Variants in DOK5 observed in about 807,000 individuals in gnomAD.
DOK5 encodes downstream of tyrosine kinase 5.
Under a neutral mutation model 43.3 loss-of-function variants are expected in DOK5, and 27 were observed. The ratio of observed to expected loss-of-function variants is 0.62; its 90% confidence interval spans 0.46 to 0.86. The LOEUF (loss-of-function observed/expected upper bound fraction) is 0.86. Among genes scored for constraint, DOK5 ranks in the 40% least tolerant of loss-of-function variants. The pLI, the probability that DOK5 is intolerant of heterozygous loss-of-function variation, is 0.00. For missense variants in DOK5, 373 were observed against 392.9 expected, an observed-to-expected ratio of 0.95 and a Z score of 0.43; for synonymous variants, 146 against 140.1, an observed-to-expected ratio of 1.04 and a Z score of -0.30.
At chr20:54,643,928 G>A (rs1979249645) in intron 7 of DOK5, among the ~76,000 whole-genome samples, 1 of 152,186 alleles carries the variant, frequency 6.6e-6, no homozygotes, top group Admixed American at 6.5e-5. Flanking sequence ...CCAGGGACCA[G>A]GCTACAAGAA....
intron 1 of DOK5, among the ~76,000 whole-genome samples, chr20:54,527,813 T>C (rs1983630179): frequency 6.6e-6 from 1 of 152,172 alleles, no homozygotes; most frequent in Admixed American, 6.5e-5. Context: ...GCTATGGATA[T>C]TAAGTGGAAA....
intron 6 of DOK5, 64 bp downstream of exon 6, chr20:54,610,587 T>C: frequency 7.4e-7 from 1 of 1,353,616 alleles, no homozygotes; most frequent in Non-Finnish European, 9.6e-7. Context: ...TTGGGTCATT[T>C]TTGTGCTGGA....
intron 1 of DOK5, among the ~76,000 whole-genome samples, chr20:54,548,131 A>G (rs1984406691): frequency 6.6e-6 from 1 of 152,224 alleles, no homozygotes; most frequent in Non-Finnish European, 1.5e-5. Flanking sequence ...CTGTGGTAAA[A>G]TTGAGAAACA....
rs146812432 is a variant in DOK5 at position 54,592,908 on chromosome 20, T to C, written c.599+1103T>C. On this transcript the variant is annotated intron_variant, in intron 5 of 7. Coordinates refer to ENST00000262593, the MANE Select transcript of DOK5 (RefSeq NM_018431.5). ...AGTTCTTCTGTATATGGCCTGACAT[T>C]ACACTCAAATTGAAAACCATTAACT... Among the ~76,000 whole-genome samples, 1,362 of 152,300 alleles carry C rather than the reference T, an allele frequency of 8.9e-3. 6 individuals are homozygous for C. The highest frequency in any genetic ancestry group is 0.014 in the Non-Finnish European group (980 of 68,028).
At chr20:54,603,986 G>T (rs376284843) in intron 5 of DOK5, among the ~76,000 whole-genome samples, 1 of 118,638 alleles carries the variant, frequency 8.4e-6, no homozygotes, top group Non-Finnish European at 1.6e-5. Flanking sequence ...TTGCTCTGTC[G>T]CCCAGGCTGG....
chr20:54,560,841 C>T (rs763972924), intron 2 of DOK5, among the ~76,000 whole-genome samples: 2 of 152,100 alleles, frequency 1.3e-5, no homozygotes, highest in East Asian at 1.9e-4. Flanking sequence ...AGGCTGGTCT[C>T]GAACTCCTGA....
chr20:54,638,541 G>C (rs139189837), intron 6 of DOK5, among the ~76,000 whole-genome samples: 1 of 152,148 alleles, frequency 6.6e-6, no homozygotes, highest in African/African-American at 2.4e-5. Flanking sequence ...CAGGAGACTA[G>C]GCTGGATGTC....
At chr20:54,478,037 C>T (rs922879850) in intron 1 of DOK5, among the ~76,000 whole-genome samples, 4 of 152,170 alleles carry the variant, frequency 2.6e-5, no homozygotes, top group African/African-American at 4.8e-5. Context: ...AGTATACTTT[C>T]TCAAGATTTA....
chr20:54,638,017 G>T (rs1978916170), intron 6 of DOK5, among the ~76,000 whole-genome samples: 1 of 152,010 alleles, frequency 6.6e-6, no homozygotes, highest in African/African-American at 2.4e-5. Flanking sequence ...AGTGACTTGG[G>T]AGGCTGAGGC....
chr20:54,533,342 G>A (rs1458403598), intron 1 of DOK5, among the ~76,000 whole-genome samples: 1 of 152,138 alleles, frequency 6.6e-6, no homozygotes, highest in Non-Finnish European at 1.5e-5. Context: ...AAGCATAAAG[G>A]AATAGTATTC....
chr20:54,607,661 C>A (rs528274595), intron 5 of DOK5, among the ~76,000 whole-genome samples: 1 of 151,496 alleles, frequency 6.6e-6, no homozygotes, highest in Non-Finnish European at 1.5e-5. Context: ...CAGAGGTGGG[C>A]AGATCACGAG....
intron 2 of DOK5, among the ~76,000 whole-genome samples, chr20:54,570,577 A>G (rs574447467): frequency 6.6e-6 from 1 of 152,206 alleles, no homozygotes; most frequent in African/African-American, 2.4e-5. Context: ...TTACTTGGTA[A>G]ACATAAATAA....
At chr20:54,623,518 G>A (rs909352595) in intron 6 of DOK5, among the ~76,000 whole-genome samples, 3 of 152,124 alleles carry the variant, frequency 2.0e-5, no homozygotes, top group African/African-American at 7.2e-5. Context: ...GTAAGGCAAC[G>A]AGACGAGGCA....
At position 54,650,471 on chromosome 20, in the gene DOK5, G is replaced by C. The variant is rs1979645687; in HGVS notation, c.913G>C (p.Glu305Gln). ...AGAGACTTTTCCAGCCTACAGATCTGAGCACTGACAGTAACTGCCAAGAAT... is the reference window on the plus strand; with the variant it reads ...AGAGACTTTTCCAGCCTACAGATCTCAGCACTGACAGTAACTGCCAAGAAT... ...RTETFPAYRS[E>Q]H The change falls in exon 8 of 8, where the codon GAG (glutamate) becomes CAG (glutamine). Residue 305 changes from glutamate to glutamine, a missense_variant. Glu to Gln is a conservative substitution (Grantham distance 29). Transcript: ENST00000262593. 6.2e-7 allele frequency: 1 copy of C among 1,613,750 alleles called. No individual in the cohort carries two copies. The highest frequency in any genetic ancestry group is 1.3e-5 in the African/African-American group (1 of 74,884).
chr20:54,608,636 C>T (rs1033241926), intron 5 of DOK5, among the ~76,000 whole-genome samples: 1 of 150,996 alleles, frequency 6.6e-6, no homozygotes, highest in Non-Finnish European at 1.5e-5. Flanking sequence ...TTGAAAGAGC[C>T]TTCATGTTTT....
At chr20:54,478,003 ACAG>A (rs1201887622) in intron 1 of DOK5, among the ~76,000 whole-genome samples, 14 of 152,328 alleles carry the variant, frequency 9.2e-5, no homozygotes, top group Non-Finnish European at 1.5e-4. Flanking sequence ...TTTATGTTTT[ACAG>A]CATTTTGGAT....
intron 1 of DOK5, among the ~76,000 whole-genome samples, chr20:54,491,757 T>C (rs1380329698): frequency 1.3e-5 from 2 of 152,320 alleles, no homozygotes; most frequent in East Asian, 3.9e-4. Context: ...CATCCCACCA[T>C]TGGCTTCCTG....
intron 1 of DOK5, among the ~76,000 whole-genome samples, chr20:54,531,989 A>C (rs1018155786): frequency 1.3e-5 from 2 of 152,150 alleles, no homozygotes; most frequent in East Asian, 3.9e-4. Flanking sequence ...CTCTCATGTA[A>C]TTGATTTATG....
chr20:54,499,145 T>C (rs1982503316), intron 1 of DOK5, among the ~76,000 whole-genome samples: 1 of 152,226 alleles, frequency 6.6e-6, no homozygotes, highest in Non-Finnish European at 1.5e-5. Context: ...GTTTAATTAA[T>C]TCTTAATTTA....
Sources: allele counts gnomAD v4.1 joint callset (sites outside exome capture counted in the v4.1 genomes callset), GRCh38; gene constraint gnomAD v4.1.1; transcripts MANE v1.5; gene names NCBI Gene and HGNC (gene_info 2026-07-23, HGNC 2026-07-21).